The following SPAG16 variants were observed in gnomAD, a reference collection of about 807,000 sequenced individuals.
SPAG16 encodes sperm-associated antigen 16 protein.
In SPAG16, 86 loss-of-function variants were observed where a neutral mutation model predicts 80.4. That is an observed-to-expected ratio of 1.07 (90% confidence interval 0.90 to 1.28). The LOEUF is 1.28. Among genes scored for constraint, SPAG16 ranks in the 50% most tolerant of loss-of-function variants. The pLI, the probability that SPAG16 is intolerant of heterozygous loss-of-function variation, is 0.00. For missense variants in SPAG16, 870 were observed against 765.3 expected, an observed-to-expected ratio of 1.14 and a Z score of -1.61; for synonymous variants, 294 against 265.9, an observed-to-expected ratio of 1.11 and a Z score of -1.03.
intron 11 of SPAG16, among the ~76,000 whole-genome samples, chr2:213,891,968 A>G (rs1466991131): frequency 1.3e-5 from 2 of 152,188 alleles, no homozygotes; most frequent in African/African-American, 4.8e-5. Flanking sequence ...CATTACAAGT[A>G]CTTAAAGGGA....
At chr2:214,310,024 T>C (rs980666125) in intron 15 of SPAG16, among the ~76,000 whole-genome samples, 1 of 152,190 alleles carries the variant, frequency 6.6e-6, no homozygotes, top group Non-Finnish European at 1.5e-5. Flanking sequence ...TTATCTGTCA[T>C]TTTCAAATTT....
chr2:213,849,415 C>G (rs2074793596), intron 10 of SPAG16, among the ~76,000 whole-genome samples: 1 of 152,142 alleles, frequency 6.6e-6, no homozygotes, highest in Admixed American at 6.5e-5. Flanking sequence ...AAAACATGTC[C>G]AAACCATAGC....
chr2:214,136,626 T>C (rs914196857), intron 14 of SPAG16, among the ~76,000 whole-genome samples: 1 of 152,194 alleles, frequency 6.6e-6, no homozygotes, highest in South Asian at 2.1e-4. Context: ...TACAAACTTA[T>C]CCACATCTTT....
intron 6 of SPAG16, among the ~76,000 whole-genome samples, chr2:213,350,222 A>C (rs1019530949): frequency 1.1e-4 from 16 of 152,164 alleles, no homozygotes; most frequent in African/African-American, 3.4e-4. Flanking sequence ...AAGGAATTGC[A>C]TTTTAAAAAA....
intron 9 of SPAG16, among the ~76,000 whole-genome samples, chr2:213,463,221 A>C (rs1249115988): frequency 1.3e-5 from 2 of 152,338 alleles, no homozygotes; most frequent in African/African-American, 2.4e-5. Flanking sequence ...TAAGCATCGA[A>C]GCATTAAAGA....
At chr2:213,721,977 CTG>C (rs2066553632) in intron 10 of SPAG16, among the ~76,000 whole-genome samples, 1 of 152,122 alleles carries the variant, frequency 6.6e-6, no homozygotes, top group Non-Finnish European at 1.5e-5. Context: ...AAAGAAAAAA[CTG>C]TTTATAACGG....
At chr2:214,334,506 T>C (rs1697144927) in intron 15 of SPAG16, among the ~76,000 whole-genome samples, 1 of 152,190 alleles carries the variant, frequency 6.6e-6, no homozygotes, top group African/African-American at 2.4e-5. Flanking sequence ...GAGAATTCCA[T>C]CTTCTCTGCA....
Position 213,926,389 on chromosome 2 carries a change from C to T in SPAG16, c.1215-3571C>T, listed in dbSNP as rs538726607. Among the ~76,000 whole-genome samples the T allele has an allele frequency of 4.1e-3, 622 of 152,176 alleles. 5 individuals are homozygous for T. The highest frequency in any genetic ancestry group is 0.014 in the African/African-American group (589 of 41,538). On this transcript the variant is annotated intron_variant, in intron 11 of 15. Transcript: ENST00000331683. ...CTGTAGTCTTTTACCCCTCGCCCCA[C>T]TTCCATTCCACCCTTTCCTCCAAGT... is the stretch of plus-strand genomic sequence containing the variant.
At chr2:214,242,458 C>T (rs1689562086) in intron 15 of SPAG16, among the ~76,000 whole-genome samples, 1 of 152,168 alleles carries the variant, frequency 6.6e-6, no homozygotes, top group Admixed American at 6.6e-5. Flanking sequence ...AGGTTGTTTT[C>T]TTTTCTCCTT....
chr2:213,862,412 A>G (rs2075508601), intron 10 of SPAG16, 73 bp from the exon 11 acceptor site: 2 of 1,556,872 alleles, frequency 1.3e-6, no homozygotes, highest in Admixed American at 1.7e-5. Context: ...AATCACTGCC[A>G]TTTCATTTAT....
chr2:213,547,526 T>C (rs1268761907), intron 10 of SPAG16, among the ~76,000 whole-genome samples: 1 of 152,196 alleles, frequency 6.6e-6, no homozygotes, highest in Non-Finnish European at 1.5e-5. Context: ...TTTTAACCTA[T>C]TTTTTAAAGA....
intron 13 of SPAG16, among the ~76,000 whole-genome samples, chr2:214,042,017 C>CAG (rs1232998346): frequency 2.2e-5 from 3 of 139,310 alleles, no homozygotes; most frequent in Non-Finnish European, 4.6e-5. Flanking sequence ...TACACACACA[C>CAG]ACAAATATAT....
At chr2:213,987,922 A>T (rs1221760868) in intron 12 of SPAG16, among the ~76,000 whole-genome samples, 1 of 149,982 alleles carries the variant, frequency 6.7e-6, no homozygotes, top group African/African-American at 2.4e-5. Flanking sequence ...TATAAAATAG[A>T]TAAAATGTAA....
intron 13 of SPAG16, among the ~76,000 whole-genome samples, chr2:214,030,241 G>A (rs960661900): frequency 6.6e-6 from 1 of 152,064 alleles, no homozygotes; most frequent in Non-Finnish European, 1.5e-5. Flanking sequence ...GCCTTTCTGA[G>A]GTTGGATTAT....
chr2:214,028,080 G>A lies in SPAG16; in HGVS notation c.1527+14003G>A, dbSNP rs13396612. 8.7e-3 allele frequency among the ~76,000 whole-genome samples: 1,322 copies of A among 152,044 alleles called. 17 individuals carry two copies. Among genetic ancestry groups the A allele is most frequent in the African/African-American group, 0.031 (1,267 of 41,540 alleles). On this transcript the variant is annotated intron_variant, in intron 13 of 15. Coordinates refer to ENST00000331683, the MANE Select transcript of SPAG16 (RefSeq NM_024532.5). ...TTTGCAACACACATTTTTATGATGT[G>A]TGAGATTGTGGGGAGCTAGCATACT...
intron 12 of SPAG16, among the ~76,000 whole-genome samples, chr2:213,933,189 T>C (rs2078843698): frequency 6.6e-6 from 1 of 151,350 alleles, no homozygotes; most frequent in African/African-American, 2.4e-5. Context: ...AATCAGAAAA[T>C]AGCTATAAAA....
chr2:213,915,891 A>G (rs2077937744), intron 11 of SPAG16, among the ~76,000 whole-genome samples: 1 of 151,924 alleles, frequency 6.6e-6, no homozygotes, highest in African/African-American at 2.4e-5. Context: ...GCTTTTTTTC[A>G]TGTTTGTTGG....
chr2:213,977,291 G>C (rs567969499), intron 12 of SPAG16, among the ~76,000 whole-genome samples: 60 of 152,118 alleles, frequency 3.9e-4, no homozygotes, highest in African/African-American at 1.3e-3. Context: ...GCATCAGCTT[G>C]AGGTTCATAT....
chr2:214,227,740 A>T (rs986946129), intron 15 of SPAG16, among the ~76,000 whole-genome samples: 1 of 87,768 alleles, frequency 1.1e-5, no homozygotes, highest in East Asian at 3.4e-4. Context: ...GTGTGTGTGT[A>T]AATGTGTATA....
Sources: gnomAD v4.1 joint callset for allele counts (sites outside exome capture counted in the v4.1 genomes callset) on GRCh38, gnomAD v4.1.1 for gene constraint, MANE v1.5 for transcripts, NCBI Gene and HGNC (gene_info 2026-07-23, HGNC 2026-07-21) for gene names.